Variants in TENM2 observed in about 807,000 individuals in gnomAD.
TENM2 encodes teneurin-2.
TENM2 carries 52 observed loss-of-function variants against 245.2 expected under a neutral mutation model. That is an observed-to-expected ratio of 0.21 (90% CI 0.17 to 0.27). TENM2 has a LOEUF of 0.27. Among genes scored for constraint, TENM2 ranks in the 10% least tolerant of loss-of-function variants. The probability of loss-of-function intolerance (pLI) is 1.00; values close to 1 mark genes in which losing one functional copy is unlikely to be tolerated. For synonymous variants in TENM2, 1,363 were observed against 1,438.9 expected, an observed-to-expected ratio of 0.95 and a Z score of 1.19; for missense variants, 3,046 against 3,666.8, an observed-to-expected ratio of 0.83 and a Z score of 4.37.
intron 2 of TENM2, among the ~76,000 whole-genome samples, chr5:167,487,430 T>C (rs889335146): frequency 3.3e-5 from 5 of 152,174 alleles, no homozygotes. Flanking sequence ...TGCTTGTATA[T>C]GTATGTTTGT....
chr5:167,414,749 G>A (rs1471968693), intron 2 of TENM2, among the ~76,000 whole-genome samples: 1 of 152,102 alleles, frequency 6.6e-6, no homozygotes, highest in Admixed American at 6.6e-5. Context: ...CTGATCAAAT[G>A]TAACCTATCT....
At chr5:167,586,273 G>C (rs1775490942) in intron 2 of TENM2, among the ~76,000 whole-genome samples, 1 of 152,162 alleles carries the variant, frequency 6.6e-6, no homozygotes, top group African/African-American at 2.4e-5. Context: ...GAAGTATGTA[G>C]GTTATACGCA....
At chr5:167,851,394 A>G (rs1235691477) in intron 2 of TENM2, among the ~76,000 whole-genome samples, 1 of 152,220 alleles carries the variant, frequency 6.6e-6, no homozygotes, top group Non-Finnish European at 1.5e-5. Flanking sequence ...ATCCAAATTT[A>G]TCATAATCAC....
chr5:168,053,609 A>G (rs1562100825), intron 6 of TENM2, among the ~76,000 whole-genome samples: 1 of 152,246 alleles, frequency 6.6e-6, no homozygotes, highest in East Asian at 1.9e-4. Flanking sequence ...AACTATTTAC[A>G]TAGCATCTAC....
intron 7 of TENM2, among the ~76,000 whole-genome samples, chr5:168,074,784 G>A (rs765265608): frequency 1.3e-5 from 2 of 152,156 alleles, no homozygotes; most frequent in African/African-American, 4.8e-5. Flanking sequence ...AGATATTTCA[G>A]GTGGCTCCCC....
intron 2 of TENM2, among the ~76,000 whole-genome samples, chr5:167,615,780 GT>G (rs1454271860): frequency 4.6e-5 from 7 of 152,040 alleles, no homozygotes; most frequent in Non-Finnish European, 8.8e-5. Flanking sequence ...TCACCAATTA[GT>G]TTGAATGTTA....
intron 12 of TENM2, among the ~76,000 whole-genome samples, chr5:168,156,804 G>C (rs1010066340): frequency 1.3e-5 from 2 of 152,104 alleles, no homozygotes; most frequent in Non-Finnish European, 2.9e-5. Context: ...TTCAGCCAGA[G>C]TTATTCGTTC....
At chr5:167,327,557 A>G (rs1455428615) in intron 1 of TENM2, among the ~76,000 whole-genome samples, 1 of 152,238 alleles carries the variant, frequency 6.6e-6, no homozygotes, top group Non-Finnish European at 1.5e-5. Flanking sequence ...TGTTTATAGA[A>G]GAAAAACAGG....
chr5:167,588,895 A>G (rs1328283599), intron 2 of TENM2, among the ~76,000 whole-genome samples: 1 of 152,200 alleles, frequency 6.6e-6, no homozygotes, highest in Non-Finnish European at 1.5e-5. Context: ...TCAGATCTCC[A>G]AGAAATATAA....
chr5:167,809,487 G>A (rs1766470761), intron 2 of TENM2, among the ~76,000 whole-genome samples: 1 of 152,112 alleles, frequency 6.6e-6, no homozygotes, highest in Non-Finnish European at 1.5e-5. Flanking sequence ...ATGATCACAT[G>A]ATCTTTCTTC....
At chr5:168,150,970 T>A (rs1364059143) in intron 12 of TENM2, among the ~76,000 whole-genome samples, 1 of 152,206 alleles carries the variant, frequency 6.6e-6, no homozygotes, top group Non-Finnish European at 1.5e-5. Flanking sequence ...GGATGTGAAT[T>A]GCTGAGCATG....
At chr5:167,386,593 GC>G (rs1178251943) in intron 2 of TENM2, among the ~76,000 whole-genome samples, 1 of 152,014 alleles carries the variant, frequency 6.6e-6, no homozygotes, top group African/African-American at 2.4e-5. Context: ...CCTTGCTTCA[GC>G]CAATGACTAG....
At chr5:167,767,775 A>G (rs1763131291) in intron 2 of TENM2, among the ~76,000 whole-genome samples, 1 of 152,198 alleles carries the variant, frequency 6.6e-6, no homozygotes, top group Admixed American at 6.5e-5. Context: ...AGTTCTTTGT[A>G]TTTTGAACTC....
chr5:167,043,581 T>C, the TENM2 span, among the ~76,000 whole-genome samples: 1 of 152,072 alleles, frequency 6.6e-6, no homozygotes, highest in Non-Finnish European at 1.5e-5. Flanking sequence ...CTGGAAATGG[T>C]GGGGCAAGTG....
At chr5:167,764,570 C>T (rs1464083596) in intron 2 of TENM2, among the ~76,000 whole-genome samples, 1 of 152,142 alleles carries the variant, frequency 6.6e-6, no homozygotes, top group Non-Finnish European at 1.5e-5. Context: ...GTGTTTCAGA[C>T]AGTGCATTGA....
chr5:167,004,001 T>C, the TENM2 span, among the ~76,000 whole-genome samples: 1 of 152,202 alleles, frequency 6.6e-6, no homozygotes, highest in Non-Finnish European at 1.5e-5. Context: ...AGTCAATTCC[T>C]TTGCTCAGGA....
At chr5:167,597,499 C>T (rs1028997281) in intron 2 of TENM2, among the ~76,000 whole-genome samples, 3 of 152,062 alleles carry the variant, frequency 2.0e-5, no homozygotes, top group East Asian at 1.9e-4. Flanking sequence ...GTAACTTTCA[C>T]GAAGCTTTTG....
At chr5:167,458,051 T>C (rs1766027556) in intron 2 of TENM2, among the ~76,000 whole-genome samples, 1 of 152,200 alleles carries the variant, frequency 6.6e-6, no homozygotes, top group African/African-American at 2.4e-5. Flanking sequence ...TAGCTAGTTT[T>C]TCAGGTCAGA....
At chr5:167,690,727 T>A (rs1200027677) in intron 2 of TENM2, among the ~76,000 whole-genome samples, 60 of 152,180 alleles carry the variant, frequency 3.9e-4, no homozygotes, top group Non-Finnish European at 4.4e-5. Context: ...CTTGATATTT[T>A]ATTTAAAATA....
Sources: gnomAD v4.1 joint callset for allele counts (sites outside exome capture counted in the v4.1 genomes callset) on GRCh38, gnomAD v4.1.1 for gene constraint, MANE v1.5 for transcripts, NCBI Gene and HGNC (gene_info 2026-07-23, HGNC 2026-07-21) for gene names.